The following TTC33 variants were observed in gnomAD, a reference collection of about 807,000 sequenced individuals.
TTC33 encodes the protein tetratricopeptide repeat domain 33, also known as tetratricopeptide repeat protein 33.
Under a neutral mutation model 29.4 loss-of-function variants are expected in TTC33, and 24 were observed. The ratio of observed to expected loss-of-function variants is 0.82; its 90% CI spans 0.59 to 1.15. The LOEUF (loss-of-function observed/expected upper bound fraction) is 1.15. Among genes scored for constraint, TTC33 ranks in the 50% most tolerant of loss-of-function variants. The probability of loss-of-function intolerance (pLI) is 0.00; values close to 1 mark genes in which losing one functional copy is unlikely to be tolerated. For missense variants in TTC33, 286 were observed against 310.4 expected (o/e 0.92, Z 0.59); for synonymous variants, 107 against 100.3 (o/e 1.07, Z -0.40).
intron 2 of TTC33, among the ~76,000 whole-genome samples, chr5:40,732,860 G>A (rs376213836): frequency 2.6e-5 from 4 of 151,930 alleles, no homozygotes; most frequent in Admixed American, 6.6e-5. Flanking sequence ...TGCCCGCCTC[G>A]GCCTCCCAAA....
chr5:40,716,583 C>T (rs1329780820), intron 4 of TTC33, 85 bp from the exon 5 acceptor site: 1 of 841,276 alleles, frequency 1.2e-6, no homozygotes, highest in Non-Finnish European at 1.9e-6. Flanking sequence ...TACATATATA[C>T]TGTACACATA....
intron 4 of TTC33, among the ~76,000 whole-genome samples, chr5:40,717,062 C>A (rs189556696): frequency 3.4e-4 from 52 of 152,036 alleles, no homozygotes; most frequent in African/African-American, 8.0e-4. Context: ...AACCCTGTCT[C>A]TACTAAAAAT....
At chr5:40,732,632 C>T (rs1055808155) in intron 2 of TTC33, among the ~76,000 whole-genome samples, 1 of 151,854 alleles carries the variant, frequency 6.6e-6, no homozygotes, top group African/African-American at 2.4e-5. Context: ...GACAGTCTTG[C>T]TCTGTCACCC....
intron 4 of TTC33, among the ~76,000 whole-genome samples, chr5:40,724,227 G>T (rs1742225399): frequency 6.6e-6 from 1 of 152,148 alleles, no homozygotes; most frequent in Non-Finnish European, 1.5e-5. Flanking sequence ...ACACAACATG[G>T]ATGGGACTTT....
intron 2 of TTC33, among the ~76,000 whole-genome samples, chr5:40,742,913 A>G (rs551642449): frequency 4.2e-4 from 64 of 152,332 alleles, no homozygotes; most frequent in Middle Eastern, 6.8e-3. Flanking sequence ...GTTTTTAGCC[A>G]TAATACAGCC....
intron 4 of TTC33, among the ~76,000 whole-genome samples, chr5:40,720,475 T>C (rs997391047): frequency 1.3e-5 from 2 of 152,210 alleles, no homozygotes; most frequent in African/African-American, 4.8e-5. Flanking sequence ...AACTTAAATA[T>C]ACATATGTAT....
rs573477282 is a variant in TTC33 at position 40,753,793 on chromosome 5, G to A, written c.-2+2031C>T. Among the ~76,000 whole-genome samples the A allele has an allele frequency of 8.5e-5, 13 of 152,188 alleles. No individual in the cohort carries two copies. The South Asian group carries it at 2.5e-3, about 29-fold the overall frequency. ...GTTTTCCGGTTTCAAGATTCCAAAT[G>A]AAACTTTCTTTATTCATAAGGTGAG... On this transcript the variant is annotated intron_variant, in intron 1 of 4. Transcript: ENST00000337702.
At chr5:40,737,105 G>A (rs1742569466) in intron 2 of TTC33, among the ~76,000 whole-genome samples, 2 of 152,174 alleles carry the variant, frequency 1.3e-5, no homozygotes, top group South Asian at 2.1e-4. Flanking sequence ...AGATCAGCCT[G>A]GGCAACATGG....
chr5:40,747,093 T>C, intron 1 of TTC33, 74 bp from the exon 2 acceptor site: 1 of 1,350,466 alleles, frequency 7.4e-7, no homozygotes, highest in Non-Finnish European at 1.0e-6. Context: ...AGTCTCACTC[T>C]CGTTGCCCAG....
intron 4 of TTC33, among the ~76,000 whole-genome samples, chr5:40,726,497 A>C (rs929557338): frequency 4.0e-5 from 6 of 151,590 alleles, no homozygotes; most frequent in African/African-American, 1.5e-4. Context: ...TTAAGAGAAC[A>C]GCTTAAATCT....
chr5:40,737,946 T>C (rs1424987408), intron 2 of TTC33, among the ~76,000 whole-genome samples: 1 of 152,374 alleles, frequency 6.6e-6, no homozygotes, highest in African/African-American at 2.4e-5. Context: ...AATTTATTCA[T>C]TCATTCACCT....
In TTC33 at chr5:40,746,830, C is replaced by T; in HGVS notation, c.189G>A (p.Lys63=). 2 of 1,614,000 alleles carry T rather than the reference C, an allele frequency of 1.2e-6. No individual in the cohort carries two copies. The highest frequency in any genetic ancestry group is 2.2e-5 in the South Asian group (2 of 91,056). ...TTTCAGCCAAACTGGCTCCTTCATC[C>T]TTCAGCTGTTTACTTTTCTCAGCAC... is the stretch of plus-strand genomic sequence containing the variant. ...EGCAEKSKQL[K]DEGASLAENK... The change falls in exon 2 of 5, where the codon AAG becomes AAA. Residue 63 remains lysine, a synonymous_variant. Transcript: ENST00000337702.
chr5:40,727,628 C>T (rs78733746), intron 4 of TTC33, among the ~76,000 whole-genome samples: 4,358 of 152,292 alleles, frequency 0.029, 85 homozygotes, highest in Non-Finnish European at 0.039. Flanking sequence ...CCATATTCTA[C>T]TGTCTTCCTT....
At position 40,752,112 on chromosome 5, in the gene TTC33, C is replaced by G. The variant is rs537605301; in HGVS notation, c.-2+3712G>C. On this transcript the variant is annotated intron_variant, in intron 1 of 4. Transcript: ENST00000337702. ...CTTCTTAAACCTCACAAACGAACCTCTAGCAGTTTCAAACTTTACTTTGGC... is the reference window on the plus strand; with the variant it reads ...CTTCTTAAACCTCACAAACGAACCTGTAGCAGTTTCAAACTTTACTTTGGC... Among the ~76,000 whole-genome samples, 5 of 152,346 alleles carry G rather than the reference C, an allele frequency of 3.3e-5. No homozygotes were observed. In the East Asian group the frequency reaches 9.6e-4, roughly 29 times the overall value.
At chr5:40,739,580 T>C (rs1342575213) in intron 2 of TTC33, among the ~76,000 whole-genome samples, 1 of 152,104 alleles carries the variant, frequency 6.6e-6, no homozygotes, top group Non-Finnish European at 1.5e-5. Flanking sequence ...CCCCACACTC[T>C]CTCTTCCTCC....
chr5:40,712,512 T>C lies in TTC33; in HGVS notation c.*3633A>G, dbSNP rs150842947. 1.3e-3 allele frequency among the ~76,000 whole-genome samples: 199 copies of C among 152,250 alleles called. 3 individuals are homozygous for C. Among genetic ancestry groups the C allele is most frequent in the African/African-American group, 4.4e-3 (184 of 41,566 alleles). On this transcript the variant is annotated 3_prime_UTR_variant, in exon 5 of 5. Transcript: ENST00000337702. ...ATGTACTTTAAGTTTATGCCAACAATAGCCACCAGATATTGAACTTAGAAT... is the reference window on the plus strand; with the variant it reads ...ATGTACTTTAAGTTTATGCCAACAACAGCCACCAGATATTGAACTTAGAAT...
rs747163062 is a variant in TTC33, at chr5:40,716,375, T to A, written c.559A>T (p.Ser187Cys). Residue 187 changes from serine (S) to cysteine (C), a missense_variant, in exon 5 of 5, where the codon AGT (serine) becomes TGT (cysteine). Transcript: ENST00000337702. The part of the protein sequence containing the change: ...QQKVAQRIKK[S>C]EAPAEVTHFS... ...TGTGTTACTTCAGCTGGTGCTTCAC[T>A]TTTTTTAATCCTCTGTGCTACCTTC... 2.5e-6 allele frequency: 4 copies of A among 1,614,072 alleles called. No individual in the cohort carries two copies. The highest frequency in any genetic ancestry group is 3.3e-5 in the Admixed American group (2 of 60,024).
At chr5:40,752,942 G>C (rs1284788037) in intron 1 of TTC33, among the ~76,000 whole-genome samples, 1 of 152,174 alleles carries the variant, frequency 6.6e-6, no homozygotes, top group Non-Finnish European at 1.5e-5. Flanking sequence ...AAAAAAGTGA[G>C]GGTGGCTATG....
At chr5:40,725,783 G>GC (rs2111885153) in intron 4 of TTC33, among the ~76,000 whole-genome samples, 2 of 138,860 alleles carry the variant, frequency 1.4e-5, no homozygotes, top group African/African-American at 5.3e-5. Flanking sequence ...ATTCTCTTCA[G>GC]CTTTTTTTTT....
Sources: allele counts gnomAD v4.1 joint callset (sites outside exome capture counted in the v4.1 genomes callset), GRCh38; gene constraint gnomAD v4.1.1; transcripts MANE v1.5; gene names NCBI Gene and HGNC (gene_info 2026-07-23, HGNC 2026-07-21).